Variants in SYT9 observed in about 807,000 individuals in gnomAD.
The protein encoded by SYT9 is synaptotagmin 9.
A neutral mutation model predicts 48.4 loss-of-function variants in SYT9; 22 were observed. The observed-to-expected ratio is 0.45, with a 90% CI of 0.32 to 0.65. SYT9 has a LOEUF of 0.65. Among genes scored for constraint, SYT9 ranks in the 30% least tolerant of loss-of-function variants. The pLI, the probability that SYT9 is intolerant of heterozygous loss-of-function variation, is 0.03. For synonymous variants in SYT9, 265 were observed against 245.0 expected, an observed-to-expected ratio of 1.08 and a Z score of -0.76; for missense variants, 577 against 622.0, an observed-to-expected ratio of 0.93 and a Z score of 0.77.
intron 1 of SYT9, among the ~76,000 whole-genome samples, chr11:7,293,112 A>G (rs1848723875): frequency 6.6e-6 from 1 of 152,194 alleles, no homozygotes; most frequent in Non-Finnish European, 1.5e-5. Flanking sequence ...ATGAGACAGC[A>G]CTTTGCAAAT....
At chr11:7,321,604 A>T (rs907494194) in intron 3 of SYT9, among the ~76,000 whole-genome samples, 1 of 152,216 alleles carries the variant, frequency 6.6e-6, no homozygotes, top group Non-Finnish European at 1.5e-5. Flanking sequence ...TTCAAGGGCA[A>T]CTCAGTAATG....
chr11:7,448,627 G>T (rs933774530), intron 6 of SYT9, among the ~76,000 whole-genome samples: 1 of 152,258 alleles, frequency 6.6e-6, no homozygotes, highest in Non-Finnish European at 1.5e-5. Context: ...CTCCGATGTT[G>T]TGTGGTGTGT....
chr11:7,415,999 C>T (rs1168053780), intron 3 of SYT9, 43 bp from the exon 4 acceptor site: 1 of 1,613,122 alleles, frequency 6.2e-7, no homozygotes, highest in Non-Finnish European at 8.5e-7. Flanking sequence ...GCACACCAGG[C>T]TGGAGACACT....
chr11:7,387,381 A>T (rs1026294045), intron 3 of SYT9, among the ~76,000 whole-genome samples: 1 of 152,158 alleles, frequency 6.6e-6, no homozygotes, highest in Admixed American at 6.6e-5. Context: ...AAAATAAAAT[A>T]AAAAAGGCAA....
At chr11:7,319,577 T>G (rs1036905778) in intron 3 of SYT9, among the ~76,000 whole-genome samples, 1 of 152,196 alleles carries the variant, frequency 6.6e-6, no homozygotes, top group African/African-American at 2.4e-5. Flanking sequence ...CAGTATTAAG[T>G]CAAATGCAGC....
At chr11:7,424,179 G>T (rs1404359055) in intron 6 of SYT9, among the ~76,000 whole-genome samples, 1 of 152,178 alleles carries the variant, frequency 6.6e-6, no homozygotes, top group Admixed American at 6.5e-5. Context: ...GTGGCAGATG[G>T]AATCTTCAAA....
intron 3 of SYT9, among the ~76,000 whole-genome samples, chr11:7,399,948 T>C (rs909950925): frequency 6.6e-6 from 1 of 152,218 alleles, no homozygotes; most frequent in African/African-American, 2.4e-5. Flanking sequence ...GAAGCTGGAC[T>C]GGATGATGAC....
chr11:7,394,410 C>T (rs564301736), intron 3 of SYT9, among the ~76,000 whole-genome samples: 76 of 152,126 alleles, frequency 5.0e-4, no homozygotes, highest in African/African-American at 1.4e-3. Context: ...TGAATAGTGC[C>T]GTGATAAACA....
intron 3 of SYT9, among the ~76,000 whole-genome samples, chr11:7,368,890 G>T (rs534418655): frequency 1.3e-5 from 2 of 152,102 alleles, no homozygotes; most frequent in Non-Finnish European, 2.9e-5. Flanking sequence ...TCATTGATGG[G>T]CATTTGGGTG....
At chr11:7,361,820 A>T (rs1298518794) in intron 3 of SYT9, among the ~76,000 whole-genome samples, 3 of 152,214 alleles carry the variant, frequency 2.0e-5, no homozygotes, top group African/African-American at 7.2e-5. Context: ...AGAAATAAGA[A>T]ATTTAGTAGT....
At chr11:7,352,530 C>T (rs943483617) in intron 3 of SYT9, among the ~76,000 whole-genome samples, 7 of 152,044 alleles carry the variant, frequency 4.6e-5, no homozygotes, top group African/African-American at 1.2e-4. Flanking sequence ...TGATGCTTCT[C>T]GATGGTTATG....
At chr11:7,385,046 C>G (rs898932305) in intron 3 of SYT9, among the ~76,000 whole-genome samples, 1 of 152,128 alleles carries the variant, frequency 6.6e-6, no homozygotes, top group Non-Finnish European at 1.5e-5. Context: ...TAACTCCCCA[C>G]TACTTAACTC....
chr11:7,247,218 G>A (rs1163990351), upstream of SYT9, among the ~76,000 whole-genome samples: 1 of 152,094 alleles, frequency 6.6e-6, no homozygotes, highest in Non-Finnish European at 1.5e-5. Context: ...ACTATACGCT[G>A]CACCCTATTT....
At chr11:7,442,756 G>A (rs1021600954) in intron 6 of SYT9, among the ~76,000 whole-genome samples, 4 of 152,156 alleles carry the variant, frequency 2.6e-5, no homozygotes, top group Non-Finnish European at 4.4e-5. Flanking sequence ...TAGGGCCTCT[G>A]CCATCAGCTC....
At chr11:7,304,241 AT>A (rs1848994824) in intron 2 of SYT9, among the ~76,000 whole-genome samples, 1 of 152,208 alleles carries the variant, frequency 6.6e-6, no homozygotes, top group African/African-American at 2.4e-5. Flanking sequence ...GTGAGCTGCC[AT>A]TTTGCTGTTA....
In SYT9 at chr11:7,252,334, G is replaced by C; in HGVS notation, c.145+3G>C. ...CAGACCCCGGCTCCGCGACCCAGGT[G>C]AGTGCCGCCACCGCCGCCTGGAGGG... On this transcript the variant is annotated splice_donor_region_variant and intron_variant, in intron 1 of 6. Coordinates refer to ENST00000318881, the MANE Select transcript of SYT9 (RefSeq NM_175733.4). This position sits in a 1 kb window ranked among gnomAD's most constrained non-coding sequence, Gnocchi z 6.3. 2.7e-6 allele frequency: 4 copies of C among 1,470,584 alleles called. No individual in the cohort carries two copies. The highest frequency in any genetic ancestry group is 3.6e-6 in the Non-Finnish European group (4 of 1,110,482). 91.1% of individuals were successfully genotyped at this position (1,470,584 alleles called of 1,614,324 possible). A position where few individuals can be genotyped will look rare whatever the true frequency, so the allele number is the denominator to read the frequency against.
intron 2 of SYT9, among the ~76,000 whole-genome samples, chr11:7,305,546 A>G (rs1035643205): frequency 6.6e-6 from 1 of 152,168 alleles, no homozygotes; most frequent in African/African-American, 2.4e-5. Context: ...GAAAAAGAGA[A>G]TGAAATTTCC....
At chr11:7,289,449 C>G (rs1419991864) in intron 1 of SYT9, among the ~76,000 whole-genome samples, 2 of 152,162 alleles carry the variant, frequency 1.3e-5, no homozygotes, top group Non-Finnish European at 2.9e-5. Context: ...CTGAACTATA[C>G]TTTAAAATGG....
chr11:7,287,368 G>A (rs533404083), intron 1 of SYT9, among the ~76,000 whole-genome samples: 4 of 152,258 alleles, frequency 2.6e-5, no homozygotes, highest in Admixed American at 2.6e-4. Context: ...GGGGATTATG[G>A]GAACTACAAT....
Sources: gnomAD v4.1 joint callset for allele counts (sites outside exome capture counted in the v4.1 genomes callset) on GRCh38, gnomAD v4.1.1 for gene constraint, Gnocchi (gnomAD v3.1) non-coding constraint, MANE v1.5 for transcripts, NCBI Gene and HGNC (gene_info 2026-07-23, HGNC 2026-07-21) for gene names.